Variants in TMEM132C observed in about 807,000 individuals in gnomAD.
TMEM132C encodes transmembrane protein 132C.
A neutral mutation model predicts 61.4 loss-of-function variants in TMEM132C; 29 were observed. That is an observed-to-expected ratio of 0.47 (90% CI 0.35 to 0.64). TMEM132C has a LOEUF of 0.64. Among genes scored for constraint, TMEM132C ranks in the 30% least tolerant of loss-of-function variants. The probability of loss-of-function intolerance (pLI) is 0.00; values close to 1 mark genes in which losing one functional copy is unlikely to be tolerated. For missense variants in TMEM132C, 1,408 were observed against 1,476.9 expected (o/e 0.95, Z 0.76); for synonymous variants, 656 against 633.1 (o/e 1.04, Z -0.54).
At chr12:128,389,344 A>G (rs1297134343) in intron 1 of TMEM132C, among the ~76,000 whole-genome samples, 1 of 152,212 alleles carries the variant, frequency 6.6e-6, no homozygotes, top group African/African-American at 2.4e-5. Context: ...CCATGAAGAC[A>G]GTGCAGTGGA....
At chr12:128,591,058 T>C (rs1479079780) in intron 3 of TMEM132C, among the ~76,000 whole-genome samples, 1 of 152,170 alleles carries the variant, frequency 6.6e-6, no homozygotes, top group Non-Finnish European at 1.5e-5. Flanking sequence ...CCTGGGATTA[T>C]AGTCATGAGC....
At position 128,575,150 on chromosome 12, in the gene TMEM132C, A is replaced by AT. The variant is rs551362507; in HGVS notation, c.1121+31054dup. ...CCAGCATTTACATTGTTACAGGATAATTTTTTTAAACACAGCAAAGTCATC... is the reference window on the plus strand; with the variant it reads ...CCAGCATTTACATTGTTACAGGATAATTTTTTTTAAACACAGCAAAGTCATC... On this transcript the variant is annotated intron_variant, in intron 3 of 8. Transcript: ENST00000435159. 2.6e-5 allele frequency among the ~76,000 whole-genome samples: 4 copies of AT among 152,270 alleles called. No homozygotes were observed. In the South Asian group the frequency reaches 6.2e-4, roughly 24 times the overall value.
intron 1 of TMEM132C, among the ~76,000 whole-genome samples, chr12:128,330,269 T>C (rs1872635913): frequency 6.6e-6 from 1 of 152,246 alleles, no homozygotes; most frequent in Admixed American, 6.5e-5. Flanking sequence ...TTTACACTTC[T>C]GTTGCCATGG....
intron 5 of TMEM132C, among the ~76,000 whole-genome samples, chr12:128,675,831 T>TA (rs1954577801): frequency 7.0e-6 from 1 of 143,284 alleles, no homozygotes; most frequent in Non-Finnish European, 1.5e-5. Context: ...TAGATTTAGA[T>TA]AGATAGAAGA....
chr12:128,554,715 C>T (rs376859224), intron 3 of TMEM132C, among the ~76,000 whole-genome samples: 4 of 152,334 alleles, frequency 2.6e-5, no homozygotes, highest in Non-Finnish European at 4.4e-5. Context: ...AAAGACTCAG[C>T]TGCCCCTCAT....
At position 128,326,577 on chromosome 12, in the gene TMEM132C, C is replaced by T. The variant is rs1593012096; in HGVS notation, c.85+59090C>T. Among the ~76,000 whole-genome samples, 1 of 152,198 alleles carries T rather than the reference C, an allele frequency of 6.6e-6. No homozygotes were observed. The highest frequency in any genetic ancestry group is 2.4e-5 in the African/African-American group (1 of 41,528). ...AATATCTAGAATTGGAACAGTAGCCCCAGGAAAAGAAAATGTGCTTGGAGA... is the reference window on the plus strand; with the variant it reads ...AATATCTAGAATTGGAACAGTAGCCTCAGGAAAAGAAAATGTGCTTGGAGA... On this transcript the variant is annotated intron_variant, in intron 1 of 8. Transcript: ENST00000435159. The surrounding 1 kb of genome is among the most constrained non-coding windows in gnomAD (Gnocchi z 5.6).
chr12:128,373,673 C>A (rs1271242622), intron 1 of TMEM132C, among the ~76,000 whole-genome samples: 1 of 152,204 alleles, frequency 6.6e-6, no homozygotes, highest in South Asian at 2.1e-4. Flanking sequence ...ATGTTGTTGA[C>A]TGCTAAGCCA....
At chr12:128,617,087 A>T (rs1020486954) in intron 4 of TMEM132C, among the ~76,000 whole-genome samples, 1 of 152,222 alleles carries the variant, frequency 6.6e-6, no homozygotes, top group Non-Finnish European at 1.5e-5. Context: ...ATTATCGGGC[A>T]TGCAGATCAC....
intron 5 of TMEM132C, among the ~76,000 whole-genome samples, chr12:128,686,335 ATCC>A (rs1404939567): frequency 6.6e-6 from 1 of 152,152 alleles, no homozygotes; most frequent in Non-Finnish European, 1.5e-5. Flanking sequence ...TGGCCATTTA[ATCC>A]TCTATAGATT....
intron 4 of TMEM132C, among the ~76,000 whole-genome samples, chr12:128,648,822 T>A (rs998244757): frequency 1.3e-5 from 2 of 151,090 alleles, no homozygotes. Context: ...TCCATCAGCA[T>A]TGGATGTGAG....
At chr12:128,359,431 C>T (rs903929206) in intron 1 of TMEM132C, among the ~76,000 whole-genome samples, 38 of 152,296 alleles carry the variant, frequency 2.5e-4, no homozygotes, top group African/African-American at 8.9e-4. Context: ...ATTCAATTAT[C>T]TCCACCTGGC....
intron 3 of TMEM132C, among the ~76,000 whole-genome samples, chr12:128,605,217 G>A (rs1876379799): frequency 6.6e-6 from 1 of 152,116 alleles, no homozygotes; most frequent in Admixed American, 6.5e-5. Flanking sequence ...AACTGCAGTT[G>A]TCAAGCCGAA....
At chr12:128,315,792 C>T (rs549262240) in intron 1 of TMEM132C, among the ~76,000 whole-genome samples, 3 of 151,792 alleles carry the variant, frequency 2.0e-5, no homozygotes, top group East Asian at 2.0e-4. Context: ...TGTGCAGACC[C>T]CAAGAGAGAC....
At chr12:128,620,491 C>G (rs1953953877) in intron 4 of TMEM132C, among the ~76,000 whole-genome samples, 1 of 152,158 alleles carries the variant, frequency 6.6e-6, no homozygotes, top group African/African-American at 2.4e-5. Context: ...TAACTGATTT[C>G]TAGCTCTGTT....
At chr12:128,524,501 T>C (rs1304798696) in intron 2 of TMEM132C, among the ~76,000 whole-genome samples, 2 of 152,148 alleles carry the variant, frequency 1.3e-5, no homozygotes, top group Non-Finnish European at 2.9e-5. Flanking sequence ...CTCCTGTTGT[T>C]CACCTTTTTT....
rs182516370 is a variant in TMEM132C, at chr12:128,292,914, G to T, written c.85+25427G>T. Among the ~76,000 whole-genome samples, 109 of 143,026 alleles carry T rather than the reference G, an allele frequency of 7.6e-4. 1 individual carries two copies. The highest frequency in any genetic ancestry group is 2.8e-3 in the African/African-American group (106 of 38,284). 93.8% of individuals were successfully genotyped at this position (143,026 alleles called of 152,430 possible). ...ATTCCTAATAGAGCACATTTCACAT[G>T]GTAGGTCTGTGTTTTCTGTGTGTTG... On this transcript the variant is annotated intron_variant, in intron 1 of 8. Coordinates refer to ENST00000435159, the MANE Select transcript of TMEM132C (RefSeq NM_001136103.3).
At chr12:128,344,447 C>T (rs1169739044) in intron 1 of TMEM132C, among the ~76,000 whole-genome samples, 4 of 152,154 alleles carry the variant, frequency 2.6e-5, no homozygotes, top group Admixed American at 1.3e-4. Context: ...TGTGAGCCAC[C>T]GTGCCGGCAG....
At position 128,415,546 on chromosome 12, in the gene TMEM132C, A is replaced by T. The variant is rs1040885243; in HGVS notation, c.900A>T (p.Pro300=). The T allele has an allele frequency of 5.2e-6, 8 of 1,551,222 alleles. No homozygotes were observed. In the Admixed American group the frequency reaches 1.6e-4, roughly 30 times the overall value. ...TGGTCATCTGGCTGCCTTCCAGGCCAGTCAAGCAGGGAGAGGTGGTCACGG... is the reference window on the plus strand; with the variant it reads ...TGGTCATCTGGCTGCCTTCCAGGCCTGTCAAGCAGGGAGAGGTGGTCACGG... ...GNVVIWLPSR[P]VKQGEVVTAY... Residue 300 remains proline, a synonymous_variant, in exon 2 of 9, where the codon CCA becomes CCT. Coordinates refer to ENST00000435159, the MANE Select transcript of TMEM132C (RefSeq NM_001136103.3). The surrounding 1 kb of genome is among the most constrained non-coding windows in gnomAD (Gnocchi z 5.8).
At chr12:128,467,528 T>A (rs184135060) in intron 2 of TMEM132C, among the ~76,000 whole-genome samples, 2 of 152,328 alleles carry the variant, frequency 1.3e-5, no homozygotes, top group East Asian at 3.9e-4. Flanking sequence ...CGTTGTGTTT[T>A]CTTTTCATTC....
Sources: gnomAD v4.1 joint callset for allele counts (sites outside exome capture counted in the v4.1 genomes callset) on GRCh38, gnomAD v4.1.1 for gene constraint, Gnocchi (gnomAD v3.1) non-coding constraint, MANE v1.5 for transcripts, NCBI Gene and HGNC (gene_info 2026-07-23, HGNC 2026-07-21) for gene names.